The following TESC variants were observed in gnomAD, a reference collection of about 807,000 sequenced individuals.
The protein encoded by TESC is calcineurin B homologous protein 3.
In TESC, 19 loss-of-function variants were observed where a neutral mutation model predicts 31.0. That is an observed-to-expected ratio of 0.61 (90% CI 0.43 to 0.90). TESC has a LOEUF of 0.90. TESC is among the 40% of genes least tolerant of loss of function. The probability of loss-of-function intolerance (pLI) is 0.00; values close to 1 mark genes in which losing one functional copy is unlikely to be tolerated. For synonymous variants in TESC, 109 were observed against 114.8 expected, an observed-to-expected ratio of 0.95 and a Z score of 0.32; for missense variants, 248 against 303.8, an observed-to-expected ratio of 0.82 and a Z score of 1.36.
intron 3 of TESC, 29 bp downstream of exon 3, chr12:117,056,777 A>G: frequency 6.2e-7 from 1 of 1,608,720 alleles, no homozygotes; most frequent in Non-Finnish European, 8.5e-7. Context: ...GGTGCCTGCC[A>G]CTGGGCTGGT....
At chr12:117,075,042 A>G (rs1955028329) in intron 2 of TESC, among the ~76,000 whole-genome samples, 1 of 152,198 alleles carries the variant, frequency 6.6e-6, no homozygotes, top group Admixed American at 6.6e-5. Flanking sequence ...GCTACTCGGG[A>G]GGCTGAGGCA....
At chr12:117,044,871 T>A (rs1954534105) in intron 6 of TESC, among the ~76,000 whole-genome samples, 1 of 151,554 alleles carries the variant, frequency 6.6e-6, no homozygotes, top group South Asian at 2.1e-4. Flanking sequence ...CACTCCAGCC[T>A]GGGCGGCAGA....
At chr12:117,075,913 A>ATATATATGTG (rs1265957613) in intron 1 of TESC, among the ~76,000 whole-genome samples, 66 of 51,922 alleles carry the variant, frequency 1.3e-3, no homozygotes, top group East Asian at 2.3e-3. Flanking sequence ...ATATATATAT[A>ATATATATGTG]TGTGTGTGTG....
intron 1 of TESC, among the ~76,000 whole-genome samples, chr12:117,092,798 A>C (rs916828070): frequency 1.3e-5 from 2 of 152,244 alleles, no homozygotes; most frequent in African/African-American, 4.8e-5. Context: ...CATCTCAAAA[A>C]CAAATTAATT....
chr12:117,054,190 G>A (rs1954688822), intron 3 of TESC, among the ~76,000 whole-genome samples: 3 of 151,896 alleles, frequency 2.0e-5, no homozygotes, highest in Non-Finnish European at 4.4e-5. Context: ...GATCCTCGGG[G>A]CACCCCTGAC....
intron 1 of TESC, among the ~76,000 whole-genome samples, chr12:117,079,154 TTTTA>T (rs1379855398): frequency 1.3e-5 from 2 of 152,234 alleles, no homozygotes; most frequent in South Asian, 2.1e-4. Flanking sequence ...GTTTTCTTTT[TTTTA>T]TTTGTCTGTC....
intron 2 of TESC, 33 bp from the exon 3 acceptor site, chr12:117,056,919 G>T (rs1954734907): frequency 6.2e-7 from 1 of 1,609,276 alleles, no homozygotes; most frequent in South Asian, 1.1e-5. Flanking sequence ...ACCGGGAAGA[G>T]AATAAGGAAA....
At chr12:117,088,622 A>C (rs1490649230) in intron 1 of TESC, among the ~76,000 whole-genome samples, 2 of 151,218 alleles carry the variant, frequency 1.3e-5, no homozygotes, top group East Asian at 1.9e-4. Flanking sequence ...CGGAGGTGGC[A>C]GTGAGCCGAG....
chr12:117,052,057 G>A (rs899293056), intron 3 of TESC, among the ~76,000 whole-genome samples: 6 of 152,090 alleles, frequency 3.9e-5, no homozygotes, highest in East Asian at 1.9e-4. Flanking sequence ...TTACAGGTGC[G>A]TGCCACCACA....
At chr12:117,046,061 T>A (rs1954553000) in intron 6 of TESC, among the ~76,000 whole-genome samples, 2 of 152,172 alleles carry the variant, frequency 1.3e-5, no homozygotes, top group Non-Finnish European at 2.9e-5. Context: ...CTCTCTTCTG[T>A]GTCATTTACA....
chr12:117,046,099 C>T (rs780381534), intron 6 of TESC, among the ~76,000 whole-genome samples: 10 of 152,336 alleles, frequency 6.6e-5, no homozygotes, highest in Non-Finnish European at 1.5e-4. Flanking sequence ...GCTCCTCCAC[C>T]GGACTCCATG....
At chr12:117,089,388 A>C (rs1955273567) in intron 1 of TESC, among the ~76,000 whole-genome samples, 1 of 152,214 alleles carries the variant, frequency 6.6e-6, no homozygotes, top group Non-Finnish European at 1.5e-5. Flanking sequence ...AAAAAGCCCA[A>C]AGATGAGCTT....
chr12:117,078,750 A>G (rs1434275343), intron 1 of TESC, among the ~76,000 whole-genome samples: 2 of 152,244 alleles, frequency 1.3e-5, no homozygotes, highest in Non-Finnish European at 2.9e-5. Context: ...CCCCAAAATA[A>G]TAATAATTAT....
chr12:117,080,554 G>A (rs1955131966), intron 1 of TESC, among the ~76,000 whole-genome samples: 1 of 152,148 alleles, frequency 6.6e-6, no homozygotes, highest in Non-Finnish European at 1.5e-5. Flanking sequence ...CCCACCTCTG[G>A]GGCCCTCTTT....
chr12:117,066,457 C>T (rs1468116440), intron 2 of TESC, among the ~76,000 whole-genome samples: 3 of 151,330 alleles, frequency 2.0e-5, no homozygotes, highest in Non-Finnish European at 4.4e-5. Flanking sequence ...CTGCAAGCTC[C>T]GCCTCCCGGG....
intron 3 of TESC, among the ~76,000 whole-genome samples, chr12:117,049,455 T>C (rs981962450): frequency 6.6e-6 from 1 of 152,160 alleles, no homozygotes; most frequent in Non-Finnish European, 1.5e-5. Flanking sequence ...GGGTGTGTGA[T>C]GGTGCACACA....
intron 4 of TESC, chr12:117,048,718 T>C: frequency 1.8e-6 from 1 of 547,296 alleles, no homozygotes; most frequent in Non-Finnish European, 3.5e-6. Context: ...ACATGGCTGG[T>C]GAGACGGGCC....
intron 2 of TESC, among the ~76,000 whole-genome samples, chr12:117,068,668 CT>C (rs1198000246): frequency 1.3e-5 from 2 of 152,018 alleles, no homozygotes; most frequent in Non-Finnish European, 2.9e-5. Flanking sequence ...CATGGAGTCC[CT>C]TTTTTTTCTC....
At chr12:117,071,391 T>G (rs1289255853) in intron 2 of TESC, among the ~76,000 whole-genome samples, 1 of 152,118 alleles carries the variant, frequency 6.6e-6, no homozygotes, top group African/African-American at 2.4e-5. Flanking sequence ...CAGTTATAAT[T>G]CTGTGCTGTG....
Sources: gnomAD v4.1 joint callset for allele counts (sites outside exome capture counted in the v4.1 genomes callset) on GRCh38, gnomAD v4.1.1 for gene constraint, MANE v1.5 for transcripts, NCBI Gene and HGNC (gene_info 2026-07-23, HGNC 2026-07-21) for gene names.